Variants in RPA3 observed in about 807,000 individuals in gnomAD.
The protein encoded by RPA3 is replication protein A 14 kDa subunit.
A neutral mutation model predicts 13.7 loss-of-function variants in RPA3; 24 were observed. The ratio of observed to expected loss-of-function variants is 1.75; its 90% CI spans 1.27 to 2.46. The LOEUF is 2.46. Among genes scored for constraint, RPA3 ranks in the 30% most tolerant of loss-of-function variants. The probability of loss-of-function intolerance (pLI) is 0.00; values close to 1 mark genes in which losing one functional copy is unlikely to be tolerated. For missense variants in RPA3, 183 were observed against 151.0 expected, an observed-to-expected ratio of 1.21 and a Z score of -1.11; for synonymous variants, 59 against 51.2, an observed-to-expected ratio of 1.15 and a Z score of -0.65.
intron 4 of RPA3, among the ~76,000 whole-genome samples, chr7:7,649,629 T>G (rs1785177907): frequency 6.6e-6 from 1 of 152,210 alleles, no homozygotes; most frequent in Non-Finnish European, 1.5e-5. Context: ...ACTTTTTTCT[T>G]CTTTAATGTT....
At chr7:7,657,924 T>C (rs553520318) in intron 4 of RPA3, among the ~76,000 whole-genome samples, 156 of 152,366 alleles carry the variant, frequency 1.0e-3, no homozygotes, top group African/African-American at 3.4e-3. Context: ...TTTCATGATA[T>C]TGATTCTTCC....
chr7:7,649,158 CAAAAA>C (rs34943326), intron 4 of RPA3, among the ~76,000 whole-genome samples: 27 of 128,858 alleles, frequency 2.1e-4, no homozygotes, highest in South Asian at 4.8e-4. Flanking sequence ...GACTCCATCT[CAAAAA>C]AAAAAAAAAA....
chr7:7,702,694 T>A (rs185375974), intron 2 of RPA3, among the ~76,000 whole-genome samples: 60 of 152,354 alleles, frequency 3.9e-4, no homozygotes, highest in African/African-American at 1.3e-3. Flanking sequence ...AAATTGAATC[T>A]TACTTTTCCA....
intron 4 of RPA3, among the ~76,000 whole-genome samples, chr7:7,672,508 C>G (rs148219409): frequency 1.4e-4 from 21 of 152,286 alleles, no homozygotes; most frequent in African/African-American, 4.8e-4. Context: ...CCACCCAAAT[C>G]TCACTTTGAA....
chr7:7,651,936 C>G (rs1005050469), intron 4 of RPA3, among the ~76,000 whole-genome samples: 1 of 152,168 alleles, frequency 6.6e-6, no homozygotes, highest in Non-Finnish European at 1.5e-5. Flanking sequence ...ACACACCATT[C>G]AAACCACTGC....
chr7:7,703,355 A>G (rs1780515946), intron 2 of RPA3, among the ~76,000 whole-genome samples: 1 of 152,218 alleles, frequency 6.6e-6, no homozygotes, highest in Non-Finnish European at 1.5e-5. Context: ...AGACTGAAGA[A>G]GAGATTTTCC....
intron 2 of RPA3, among the ~76,000 whole-genome samples, chr7:7,695,462 C>T (rs28912703): frequency 1.4e-3 from 206 of 152,174 alleles, no homozygotes; most frequent in African/African-American, 4.5e-3. Context: ...TGATTCTGTC[C>T]ATTTAATTTT....
chr7:7,648,252 C>T (rs987855412), intron 4 of RPA3, among the ~76,000 whole-genome samples: 6 of 152,216 alleles, frequency 3.9e-5, no homozygotes, highest in Admixed American at 3.3e-4. Context: ...TAGCGTTTGA[C>T]AGATCATGAG....
chr7:7,670,649 A>G (rs1399351204), intron 4 of RPA3, among the ~76,000 whole-genome samples: 2 of 152,186 alleles, frequency 1.3e-5, no homozygotes, highest in African/African-American at 2.4e-5. Context: ...TCTGGCTGAT[A>G]CACAAGAGTC....
Position 7,640,303 on chromosome 7 carries a change from A to T in RPA3, c.99+17T>A. On this transcript the variant is annotated intron_variant, in intron 5 of 7. Coordinates refer to ENST00000223129, the MANE Select transcript of RPA3 (RefSeq NM_002947.5). ...CCAGCTACGGACTTGGGAGCCCATG[A>T]TTGCGAACCCGCACACCTTTTCCAG... 1 of 1,613,686 alleles carries T rather than the reference A, an allele frequency of 6.2e-7. No homozygotes were observed. The highest frequency in any genetic ancestry group is 8.5e-7 in the Non-Finnish European group (1 of 1,179,722).
At chr7:7,640,020 C>A in intron 5 of RPA3, 1 of 387,286 alleles carries the variant, frequency 2.6e-6, no homozygotes, top group Non-Finnish European at 4.7e-6. Flanking sequence ...ACTAAGAAAT[C>A]TGAAGGTAGA....
chr7:7,646,395 G>A (rs917935188), intron 4 of RPA3, among the ~76,000 whole-genome samples: 3 of 151,852 alleles, frequency 2.0e-5, no homozygotes, highest in Admixed American at 6.6e-5. Flanking sequence ...GAATCATGGG[G>A]ACAGTTTCCC....
intron 2 of RPA3, among the ~76,000 whole-genome samples, chr7:7,691,429 T>C (rs1374640022): frequency 6.6e-6 from 1 of 152,234 alleles, no homozygotes; most frequent in African/African-American, 2.4e-5. Context: ...TCATCTAAAA[T>C]GATAGTTTGT....
intron 2 of RPA3, among the ~76,000 whole-genome samples, chr7:7,714,542 G>C (rs1323902570): frequency 6.6e-5 from 10 of 152,208 alleles, no homozygotes; most frequent in Admixed American, 6.5e-4. Context: ...GTCAATTTAG[G>C]TGTGGGTGAG....
At chr7:7,716,789 C>CA (rs1282846862) in intron 1 of RPA3, among the ~76,000 whole-genome samples, 1 of 152,218 alleles carries the variant, frequency 6.6e-6, no homozygotes, top group Middle Eastern at 3.4e-3. Flanking sequence ...ACTAAAAGCA[C>CA]AAAAAAATTA....
intron 2 of RPA3, among the ~76,000 whole-genome samples, chr7:7,691,869 A>G (rs181413482): frequency 4.1e-4 from 63 of 152,340 alleles, no homozygotes; most frequent in Admixed American, 1.7e-3. Context: ...TTTTTAGTTA[A>G]AATTTTATCT....
chr7:7,642,294 C>A lies in RPA3; in HGVS notation c.-757-1119G>T, dbSNP rs937954911. ...GGACTATAAGCACATACCACCACACCCAGCTAATAAAGATTTTTTTTTTGT... is the reference window on the plus strand; with the variant it reads ...GGACTATAAGCACATACCACCACACACAGCTAATAAAGATTTTTTTTTTGT... On this transcript the variant is annotated intron_variant, in intron 4 of 7. Transcript: ENST00000223129. Among the ~76,000 whole-genome samples the A allele has an allele frequency of 4.0e-5, 6 of 149,444 alleles. No homozygotes were observed. In the East Asian group the frequency reaches 1.3e-3, roughly 32 times the overall value.
At chr7:7,716,401 C>T (rs891862127) in intron 1 of RPA3, among the ~76,000 whole-genome samples, 2 of 152,172 alleles carry the variant, frequency 1.3e-5, no homozygotes, top group African/African-American at 4.8e-5. Context: ...TAAAAAGCAG[C>T]CCCCAAATCA....
chr7:7,693,346 C>T (rs934324555), intron 2 of RPA3, among the ~76,000 whole-genome samples: 8 of 111,206 alleles, frequency 7.2e-5, no homozygotes, highest in African/African-American at 2.0e-4. Flanking sequence ...TACATTATTT[C>T]GGTAGACTTA....
Sources: allele counts gnomAD v4.1 joint callset (sites outside exome capture counted in the v4.1 genomes callset), GRCh38; gene constraint gnomAD v4.1.1; transcripts MANE v1.5; gene names NCBI Gene and HGNC (gene_info 2026-07-23, HGNC 2026-07-21).